XKR4: variants seen among roughly 807,000 people sequenced by gnomAD.
XKR4 encodes XK-related protein 4.
XKR4 carries 12 observed loss-of-function variants against 53.9 expected under a neutral mutation model. That is an observed-to-expected ratio of 0.22 (90% CI 0.14 to 0.36). The LOEUF is 0.36. Ranked by LOEUF, XKR4 falls within the 10% of genes least tolerant of loss-of-function variation. The pLI, the probability that XKR4 is intolerant of heterozygous loss-of-function variation, is 1.00. For missense variants in XKR4, 799 were observed against 859.5 expected (o/e 0.93, Z 0.88); for synonymous variants, 354 against 362.4 (o/e 0.98, Z 0.26).
intron 1 of XKR4, among the ~76,000 whole-genome samples, chr8:55,289,745 A>G (rs868744310): frequency 1.7e-4 from 24 of 141,750 alleles, no homozygotes; most frequent in African/African-American, 5.6e-4. Flanking sequence ...AAGAAAGAAA[A>G]AGAAAGAAAG....
chr8:55,408,568 G>A (rs1222418650), intron 2 of XKR4, among the ~76,000 whole-genome samples: 7 of 152,304 alleles, frequency 4.6e-5, no homozygotes, highest in Admixed American at 6.5e-5. Context: ...AGTCCAGAGC[G>A]TCAGGCAGAA....
chr8:55,341,429 A>G (rs967519989), intron 1 of XKR4, among the ~76,000 whole-genome samples: 4 of 152,254 alleles, frequency 2.6e-5, no homozygotes, highest in Middle Eastern at 6.8e-3. Context: ...AACCCTCAGG[A>G]TGTACCAGAG....
At chr8:55,403,836 C>T (rs1027290088) in intron 2 of XKR4, among the ~76,000 whole-genome samples, 4 of 152,178 alleles carry the variant, frequency 2.6e-5, no homozygotes, top group Non-Finnish European at 5.9e-5. Context: ...TAGTTAGCAA[C>T]AATTTTCTTC....
At chr8:55,377,779 C>T (rs769849558) in intron 2 of XKR4, among the ~76,000 whole-genome samples, 46 of 152,146 alleles carry the variant, frequency 3.0e-4, no homozygotes, top group Non-Finnish European at 4.6e-4. Flanking sequence ...GCTGTGCCTG[C>T]GCCTTGTGAA....
At chr8:55,452,918 GA>G in intron 2 of XKR4, 1 of 798,050 alleles carries the variant, frequency 1.3e-6, no homozygotes, top group Non-Finnish European at 2.2e-6. Flanking sequence ...TGGCCTGGCT[GA>G]ACACTGTGCT....
At chr8:55,433,856 T>C (rs1329138293) in intron 2 of XKR4, among the ~76,000 whole-genome samples, 3 of 151,980 alleles carry the variant, frequency 2.0e-5, no homozygotes, top group African/African-American at 7.3e-5. Context: ...GGAGATCCCA[T>C]CTCTACAAAA....
At chr8:55,143,833 C>T (rs917617430) in intron 1 of XKR4, among the ~76,000 whole-genome samples, 5 of 152,196 alleles carry the variant, frequency 3.3e-5, no homozygotes, top group African/African-American at 1.2e-4. Context: ...TGCGAATTTC[C>T]GGTAAATACA....
chr8:55,346,001 A>G (rs1309956946), intron 1 of XKR4, among the ~76,000 whole-genome samples: 1 of 152,072 alleles, frequency 6.6e-6, no homozygotes, highest in African/African-American at 2.4e-5. Flanking sequence ...ACAAAGTAGA[A>G]TGGTGTTTGT....
chr8:55,415,055 A>T (rs899933227), intron 2 of XKR4, among the ~76,000 whole-genome samples: 7 of 152,192 alleles, frequency 4.6e-5, no homozygotes, highest in Non-Finnish European at 8.8e-5. Context: ...CTTGTTCAGA[A>T]CATTTAGTCC....
At chr8:55,481,334 G>A (rs1011336902) in intron 2 of XKR4, among the ~76,000 whole-genome samples, 3 of 152,016 alleles carry the variant, frequency 2.0e-5, no homozygotes, top group African/African-American at 7.3e-5. Context: ...GGGAAAACTG[G>A]CTAGCCATAT....
At chr8:55,350,005 T>C (rs1442320799) in intron 1 of XKR4, among the ~76,000 whole-genome samples, 3 of 152,178 alleles carry the variant, frequency 2.0e-5, no homozygotes, top group Non-Finnish European at 4.4e-5. Flanking sequence ...AATTTTATTC[T>C]GTGTGTACAC....
At chr8:55,496,342 A>G (rs1054099832) in intron 2 of XKR4, among the ~76,000 whole-genome samples, 6 of 152,162 alleles carry the variant, frequency 3.9e-5, no homozygotes, top group African/African-American at 1.4e-4. Flanking sequence ...TATCTCTTTA[A>G]ATAGCAGTCT....
intron 2 of XKR4, among the ~76,000 whole-genome samples, chr8:55,406,408 C>T (rs976031037): frequency 1.3e-5 from 2 of 152,218 alleles, no homozygotes; most frequent in Non-Finnish European, 2.9e-5. Context: ...GAGGTAGATG[C>T]TGTCACCATC....
chr8:55,407,690 AGCACTGG>A (rs1804706009), intron 2 of XKR4, among the ~76,000 whole-genome samples: 1 of 152,254 alleles, frequency 6.6e-6, no homozygotes, highest in Non-Finnish European at 1.5e-5. Context: ...ACATTTGTGG[AGCACTGG>A]GCACTAGAGG....
intron 1 of XKR4, among the ~76,000 whole-genome samples, chr8:55,278,335 TAAAA>T (rs202025635): frequency 4.9e-5 from 6 of 123,616 alleles, no homozygotes; most frequent in Non-Finnish European, 3.4e-5. Context: ...AGATCCTGTC[TAAAA>T]AAAAAAAAAA....
intron 1 of XKR4, among the ~76,000 whole-genome samples, chr8:55,137,572 C>CT (rs369443865): frequency 0.024 from 3,162 of 130,738 alleles, 93 homozygotes; most frequent in African/African-American, 0.064. Flanking sequence ...CAGAAGAGAA[C>CT]TTTTTTTTTT....
intron 2 of XKR4, among the ~76,000 whole-genome samples, chr8:55,438,951 A>T (rs1365229728): frequency 6.6e-6 from 1 of 152,166 alleles, no homozygotes; most frequent in East Asian, 1.9e-4. Context: ...ACCAATCTGA[A>T]ATACCCACAT....
At chr8:55,232,509 G>T (rs1392743283) in intron 1 of XKR4, among the ~76,000 whole-genome samples, 1 of 152,122 alleles carries the variant, frequency 6.6e-6, no homozygotes, top group Admixed American at 6.6e-5. Flanking sequence ...TAAAATTGTG[G>T]TCAGTTTCCT....
chr8:55,420,831 A>G (rs1249352619), intron 2 of XKR4, among the ~76,000 whole-genome samples: 3 of 151,236 alleles, frequency 2.0e-5, no homozygotes, highest in African/African-American at 7.4e-5. Context: ...AATAAAAAAG[A>G]AAGATCCTTT....
Sources: gnomAD v4.1 joint callset for allele counts (sites outside exome capture counted in the v4.1 genomes callset) on GRCh38, gnomAD v4.1.1 for gene constraint, MANE v1.5 for transcripts, NCBI Gene and HGNC (gene_info 2026-07-23, HGNC 2026-07-21) for gene names.